The following THRB variants were observed in gnomAD, a reference collection of about 807,000 sequenced individuals.
THRB encodes the protein nuclear receptor subfamily 1 group A member 2.
In THRB, 12 loss-of-function variants were observed where a neutral mutation model predicts 47.8. That is an observed-to-expected ratio of 0.25 (90% CI 0.16 to 0.41). The LOEUF (loss-of-function observed/expected upper bound fraction) is 0.41, where lower values mean the gene tolerates loss of function less well. Among genes scored for constraint, THRB ranks in the 10% least tolerant of loss-of-function variants. The pLI is 1.00. For synonymous variants in THRB, 218 were observed against 212.2 expected, an observed-to-expected ratio of 1.03 and a Z score of -0.24; for missense variants, 348 against 589.2, an observed-to-expected ratio of 0.59 and a Z score of 4.24.
intron 5 of THRB, among the ~76,000 whole-genome samples, chr3:24,168,490 A>AATATAT (rs370230507): frequency 0.071 from 9,789 of 137,938 alleles, 503 homozygotes; most frequent in African/African-American, 0.095. Context: ...TTCAATCAAT[A>AATATAT]ATATATATAT....
chr3:24,474,737 C>T (rs146151908), intron 1 of THRB, among the ~76,000 whole-genome samples: 1 of 152,218 alleles, frequency 6.6e-6, no homozygotes, highest in Non-Finnish European at 1.5e-5. Flanking sequence ...TGCTGCAGAC[C>T]ATATGTGCTA....
At chr3:24,199,942 A>T (rs1212340681) in intron 4 of THRB, among the ~76,000 whole-genome samples, 4 of 152,336 alleles carry the variant, frequency 2.6e-5, no homozygotes, top group African/African-American at 9.6e-5. Flanking sequence ...GGCCCTGAGC[A>T]CTGGGAAAAT....
At chr3:24,401,676 A>C (rs2067411679) in intron 1 of THRB, among the ~76,000 whole-genome samples, 1 of 151,788 alleles carries the variant, frequency 6.6e-6, no homozygotes, top group Non-Finnish European at 1.5e-5. Flanking sequence ...TTATGACTCA[A>C]CCCCCTTGTG....
At chr3:24,346,815 T>C (rs961432642) in intron 1 of THRB, among the ~76,000 whole-genome samples, 2 of 151,850 alleles carry the variant, frequency 1.3e-5, no homozygotes, top group African/African-American at 4.8e-5. Context: ...GATAAGAAAA[T>C]CCACAATTAA....
intron 1 of THRB, among the ~76,000 whole-genome samples, chr3:24,367,977 A>C (rs2064601109): frequency 1.3e-5 from 2 of 152,192 alleles, no homozygotes; most frequent in Non-Finnish European, 2.9e-5. Flanking sequence ...TAAAGGGACT[A>C]GAATAGCTCC....
At chr3:24,254,315 A>C (rs2051011344) in intron 3 of THRB, among the ~76,000 whole-genome samples, 1 of 149,478 alleles carries the variant, frequency 6.7e-6, no homozygotes, top group African/African-American at 2.5e-5. Flanking sequence ...GAATGGTGTG[A>C]ACCCGGGAGG....
At chr3:24,285,584 A>T (rs76228799) in intron 3 of THRB, among the ~76,000 whole-genome samples, 352 of 144,568 alleles carry the variant, frequency 2.4e-3, no homozygotes, top group African/African-American at 9.0e-3. Context: ...AAGTATAATT[A>T]AAAAAAAAAG....
At chr3:24,461,678 T>C (rs2125657523) in intron 1 of THRB, among the ~76,000 whole-genome samples, 1 of 152,296 alleles carries the variant, frequency 6.6e-6, no homozygotes, top group South Asian at 2.1e-4. Flanking sequence ...ATGAAATAAT[T>C]GAGGGTTTTA....
At chr3:24,255,287 C>T (rs1379947725) in intron 3 of THRB, among the ~76,000 whole-genome samples, 1 of 152,156 alleles carries the variant, frequency 6.6e-6, no homozygotes, top group African/African-American at 2.4e-5. Flanking sequence ...GTGCCTTTTA[C>T]TGATTAACCC....
chr3:24,263,579 C>T (rs2052316329), intron 3 of THRB, among the ~76,000 whole-genome samples: 1 of 150,916 alleles, frequency 6.6e-6, no homozygotes, highest in African/African-American at 2.4e-5. Flanking sequence ...CTTAATGACA[C>T]ACTAGATAGT....
chr3:24,482,538 C>CCTCTCTCTCTCT lies in THRB; in HGVS notation c.-261+12102_-261+12113dup, dbSNP rs10575358. 8.4e-3 allele frequency among the ~76,000 whole-genome samples: 1,093 copies of CCTCTCTCTCTCT among 130,894 alleles called. 22 individuals are homozygous for CCTCTCTCTCTCT. Among genetic ancestry groups the CCTCTCTCTCTCT allele is most frequent in the African/African-American group, 0.03 (999 of 33,432 alleles). The allele number at this position is 130,894 out of a possible 152,430, so 85.9% of individuals were successfully genotyped here. A position where few individuals can be genotyped will look rare whatever the true frequency, so the allele number is the denominator to read the frequency against. On this transcript the variant is annotated intron_variant, in intron 1 of 10. Transcript: ENST00000646209. ...TTCTTTCTTTCTTTCTTTCTGTCTC[C>CCTCTCTCTCTCT]CTCTCTCTCTCTCTCTCTCTCTCTC...
intron 1 of THRB, among the ~76,000 whole-genome samples, chr3:24,422,415 A>G (rs1439540665): frequency 6.6e-6 from 1 of 151,836 alleles, no homozygotes; most frequent in South Asian, 2.1e-4. Context: ...GTGAGTGGAA[A>G]AAGCCATGTC....
At chr3:24,435,421 C>T (rs768444227) in intron 1 of THRB, among the ~76,000 whole-genome samples, 4 of 152,118 alleles carry the variant, frequency 2.6e-5, no homozygotes, top group Non-Finnish European at 4.4e-5. Context: ...AGGTGCAGAT[C>T]AGCTGCTGTG....
chr3:24,481,241 T>TTTTTTTTTTTTTTTG (rs1696347144), intron 1 of THRB, among the ~76,000 whole-genome samples: 1 of 146,230 alleles, frequency 6.8e-6, no homozygotes, highest in African/African-American at 2.6e-5. Flanking sequence ...TTTTTTTTTT[T>TTTTTTTTTTTTTTTG]TTTTTTTTTT....
chr3:24,269,429 A>ACG (rs2053067275), intron 3 of THRB, among the ~76,000 whole-genome samples: 1 of 147,494 alleles, frequency 6.8e-6, no homozygotes, highest in Non-Finnish European at 1.5e-5. Context: ...ACACACACAC[A>ACG]CACACACACA....
At chr3:24,383,541 A>G (rs1307008819) in intron 1 of THRB, among the ~76,000 whole-genome samples, 3 of 152,168 alleles carry the variant, frequency 2.0e-5, no homozygotes, top group Admixed American at 1.3e-4. Context: ...ATGACACGAA[A>G]TCAAGTATAT....
chr3:24,190,357 A>G (rs1324056386), intron 4 of THRB, 23 bp from the exon 5 acceptor site: 6 of 1,613,796 alleles, frequency 3.7e-6, no homozygotes, highest in Non-Finnish European at 5.1e-6. Context: ...AAAACACGAG[A>G]TGACGAGCTG....
At chr3:24,275,466 G>A (rs1185182825) in intron 3 of THRB, among the ~76,000 whole-genome samples, 1 of 152,138 alleles carries the variant, frequency 6.6e-6, no homozygotes, top group African/African-American at 2.4e-5. Flanking sequence ...TGTGGCTAAT[G>A]TATCTGCTGT....
chr3:24,410,614 G>C (rs2068210165), intron 1 of THRB, among the ~76,000 whole-genome samples: 1 of 151,672 alleles, frequency 6.6e-6, no homozygotes, highest in Admixed American at 6.6e-5. Context: ...AAAATTACCT[G>C]ATGAGCCATT....
Sources: gnomAD v4.1 joint callset for allele counts (sites outside exome capture counted in the v4.1 genomes callset) on GRCh38, gnomAD v4.1.1 for gene constraint, MANE v1.5 for transcripts, NCBI Gene and HGNC (gene_info 2026-07-23, HGNC 2026-07-21) for gene names.